Variants in NINL observed in about 807,000 individuals in gnomAD.
NINL encodes ninein-like protein.
Under a neutral mutation model 160.3 loss-of-function variants are expected in NINL, and 153 were observed. The ratio of observed to expected loss-of-function variants is 0.95; its 90% CI spans 0.84 to 1.09. The LOEUF (loss-of-function observed/expected upper bound fraction) is 1.09, where lower values mean the gene tolerates loss of function less well. Ranked by LOEUF, NINL falls within the 50% of genes least tolerant of loss-of-function variation. The pLI is 0.00. For missense variants in NINL, 1,829 were observed against 1,764.0 expected, an observed-to-expected ratio of 1.04 and a Z score of -0.66; for synonymous variants, 800 against 734.8, an observed-to-expected ratio of 1.09 and a Z score of -1.43.
At chr20:25,488,287 G>A (rs955019831) in intron 13 of NINL, among the ~76,000 whole-genome samples, 2 of 152,148 alleles carry the variant, frequency 1.3e-5, no homozygotes, top group Admixed American at 6.5e-5. Flanking sequence ...GTACAGTGGT[G>A]CGATCTCGGC....
At position 25,476,391 on chromosome 20, in the gene NINL, G is replaced by A. The variant is rs990662781; in HGVS notation, c.2900C>T (p.Ser967Leu). The A allele has an allele frequency of 1.9e-6, 3 of 1,604,550 alleles. No homozygotes were observed. The highest frequency in any genetic ancestry group is 1.7e-5 in the Admixed American group (1 of 59,422). The change falls in exon 17 of 24, where the codon TCG (serine) becomes TTG (leucine). Residue 967 changes from serine (S) to leucine (L), a missense_variant. By Grantham distance (145) the Ser-to-Leu change is moderately radical. Transcript: ENST00000278886. ...MWEPPLRPAA[S>L]CRGQAERLQA... ...TAGCCTCTCAGCCTGTCCCCTGCAC[G>A]AAGCGGCCGGCCTCAGGGGTGGCTC...
In NINL at chr20:25,476,503, C is replaced by T. The variant is rs1158230859; in HGVS notation, c.2788G>A (p.Ala930Thr). ...PKEPEPFGAS[A>T]AGLEQPGARE... ...GCTCCAGGCTGCTCCAGCCCCGCTG[C>T]GCTCGCGCCGAAAGGCTCTGGCTCC... is the stretch of plus-strand genomic sequence containing the variant. Residue 930 changes from alanine to threonine, a missense_variant, in exon 17 of 24, where the codon GCA becomes ACA. Ala to Thr is a moderately conservative substitution (Grantham distance 58). Transcript: ENST00000278886. 4 of 1,603,358 alleles carry T rather than the reference C, an allele frequency of 2.5e-6. No homozygotes were observed. Among genetic ancestry groups the T allele is most frequent in the Non-Finnish European group, 3.4e-6 (4 of 1,179,834 alleles).
chr20:25,501,498 C>G (rs1367891657), intron 7 of NINL, among the ~76,000 whole-genome samples: 4 of 152,210 alleles, frequency 2.6e-5, no homozygotes, highest in Non-Finnish European at 4.4e-5. Flanking sequence ...CACACACCCC[C>G]AGACCCTCAG....
At chr20:25,484,884 G>GA (rs1388217545) in intron 13 of NINL, among the ~76,000 whole-genome samples, 1 of 152,180 alleles carries the variant, frequency 6.6e-6, no homozygotes, top group Non-Finnish European at 1.5e-5. Flanking sequence ...TTGCAGGGGA[G>GA]AAAAAATGGT....
intron 1 of NINL, among the ~76,000 whole-genome samples, chr20:25,560,669 G>C (rs1028292019): frequency 2.0e-5 from 3 of 151,988 alleles, no homozygotes; most frequent in African/African-American, 7.2e-5. Flanking sequence ...GCTGGTTTTG[G>C]GGGGATCTCT....
intron 6 of NINL, among the ~76,000 whole-genome samples, chr20:25,504,448 C>G (rs374408248): frequency 6.6e-6 from 1 of 152,204 alleles, no homozygotes. Flanking sequence ...AGCAAGGACA[C>G]AGGGCTGAGA....
rs1359470109 is a variant in NINL at position 25,476,151 on chromosome 20, G to T, written c.3140C>A (p.Thr1047Asn). 3.1e-6 allele frequency: 5 copies of T among 1,613,938 alleles called. No homozygotes were observed. Among genetic ancestry groups the T allele is most frequent in the Admixed American group, 3.3e-5 (2 of 60,004 alleles). The part of the protein sequence containing the change: ...EQLAAPEEGE[T>N]KIALEREKDD... ...CTTCTCTCTCTCCAGCGCTATTTTG[G>T]TCTCCCCCTCTTCTGGGGCAGCAAG... The change falls in exon 17 of 24, where the codon ACC becomes AAC. Residue 1047 changes from threonine (T) to asparagine (N), a missense_variant. Physicochemically the swap from Thr to Asn is moderately conservative, Grantham distance 65. Transcript: ENST00000278886.
intron 3 of NINL, among the ~76,000 whole-genome samples, chr20:25,515,031 C>T (rs1307023398): frequency 6.6e-6 from 1 of 152,244 alleles, no homozygotes; most frequent in Non-Finnish European, 1.5e-5. Context: ...AGAGTCCCCA[C>T]TGGGCACTGC....
intron 5 of NINL, among the ~76,000 whole-genome samples, chr20:25,509,908 C>T (rs2146862023): frequency 6.6e-6 from 1 of 152,336 alleles, no homozygotes. Flanking sequence ...TGTTCCTCTC[C>T]CCAGGGGGAT....
rs549802347 is a variant in NINL at position 25,553,765 on chromosome 20, TG to T, written c.-11-27168del. ...GAGCATCTCAGTTCAACAGGCACGA[TG>T]GGAAGAGGTTCTGAAACAGTGGCCC... On this transcript the variant is annotated intron_variant, in intron 1 of 23. Coordinates refer to ENST00000278886, the MANE Select transcript of NINL (RefSeq NM_025176.6). 1.8e-4 allele frequency among the ~76,000 whole-genome samples: 27 copies of T among 152,316 alleles called. No homozygotes were observed. In the South Asian group the frequency reaches 5.6e-3, roughly 32 times the overall value.
rs761834334 is a variant in NINL, at chr20:25,498,314, G to C, written c.1065C>G (p.Asn355Lys). The C allele has an allele frequency of 6.2e-7, 1 of 1,613,216 alleles. No individual in the cohort carries two copies. The highest frequency in any genetic ancestry group is 8.5e-7 in the Non-Finnish European group (1 of 1,180,030). The change falls in exon 9 of 24, where the codon AAC becomes AAG. Residue 355 changes from asparagine to lysine, a missense_variant. Asn to Lys is a moderately conservative substitution (Grantham distance 94, BLOSUM62 0). Transcript: ENST00000278886. ...SLDFSVDEKV[N>K]LLELTWALDN... ...CAAGGGCCCAGGTCAGCTCCAGAAG[G>C]TTCACCTTCTCGTCCACGCTGAAGT...
intron 1 of NINL, among the ~76,000 whole-genome samples, chr20:25,539,614 C>T (rs1259937586): frequency 2.0e-5 from 3 of 152,222 alleles, no homozygotes; most frequent in African/African-American, 7.2e-5. Flanking sequence ...CAGTTTCATG[C>T]TGCTCAAACC....
Position 25,505,093 on chromosome 20 carries a change from G to A in NINL, c.518-15C>T. On this transcript the variant is annotated splice_polypyrimidine_tract_variant and intron_variant, in intron 5 of 23. Transcript: ENST00000278886. ...CTGCAGCTGTCCTGAAGCAAGGGAGGAGTCACAGTTACACCCTGATACATA... is the reference window on the plus strand; with the variant it reads ...CTGCAGCTGTCCTGAAGCAAGGGAGAAGTCACAGTTACACCCTGATACATA... The A allele has an allele frequency of 6.4e-7, 1 of 1,557,816 alleles. No homozygotes were observed. The highest frequency in any genetic ancestry group is 8.7e-7 in the Non-Finnish European group (1 of 1,151,972).
chr20:25,494,320 C>T (rs548544323), intron 10 of NINL, among the ~76,000 whole-genome samples: 1 of 152,004 alleles, frequency 6.6e-6, no homozygotes, highest in East Asian at 1.9e-4. Context: ...CCCAAGCATG[C>T]TCAAAGCACT....
rs759456125 is a variant in NINL, at chr20:25,476,079, G to A, written c.3212C>T (p.Ala1071Val). Reference sequence around the variant, plus strand: ...TCTCAAATCTACATGTTTCTCCAGAGCCCGGACGACGTCTTCCAGATGTAG... The same window carrying A: ...TCTCAAATCTACATGTTTCTCCAGAACCCGGACGACGTCTTCCAGATGTAG... ...KLLHLEDVVRALEKHVDLREN... is the reference protein window; with the variant it reads ...KLLHLEDVVRVLEKHVDLREN... The change falls in exon 17 of 24, where the codon GCT (alanine) becomes GTT (valine). Residue 1071 changes from alanine (A) to valine (V), a missense_variant. Ala to Val is a moderately conservative substitution (Grantham distance 64). Coordinates refer to ENST00000278886, the MANE Select transcript of NINL (RefSeq NM_025176.6). 11 of 1,613,810 alleles carry A rather than the reference G, an allele frequency of 6.8e-6. No individual in the cohort carries two copies. Among genetic ancestry groups the A allele is most frequent in the Non-Finnish European group, 9.3e-6 (11 of 1,179,764 alleles).
At chr20:25,457,609 C>T (rs1175284501) in intron 22 of NINL, among the ~76,000 whole-genome samples, 1 of 152,182 alleles carries the variant, frequency 6.6e-6, no homozygotes, top group Non-Finnish European at 1.5e-5. Context: ...ACTTTACAAA[C>T]ATCAAATGTT....
At chr20:25,474,420 A>G (rs554710794) in intron 17 of NINL, among the ~76,000 whole-genome samples, 5 of 152,360 alleles carry the variant, frequency 3.3e-5, no homozygotes, top group African/African-American at 1.2e-4. Context: ...AGACGGACCA[A>G]GGGCCAACCA....
intron 14 of NINL, among the ~76,000 whole-genome samples, chr20:25,481,675 G>A (rs912713905): frequency 4.6e-5 from 7 of 152,210 alleles, no homozygotes; most frequent in African/African-American, 1.7e-4. Context: ...CTCAGTCTCA[G>A]CAAGTACCGT....
intron 10 of NINL, 43 bp downstream of exon 10, chr20:25,496,620 G>C (rs375187881): frequency 1.2e-6 from 2 of 1,607,334 alleles, no homozygotes; most frequent in African/African-American, 1.3e-5. Context: ...AAAGGGGCTG[G>C]GGAGGCCCAG....
Sources: allele counts gnomAD v4.1 joint callset (sites outside exome capture counted in the v4.1 genomes callset), GRCh38; gene constraint gnomAD v4.1.1; transcripts MANE v1.5; gene names NCBI Gene and HGNC (gene_info 2026-07-23, HGNC 2026-07-21).